The following CDH2 variants were observed in gnomAD, a reference collection of about 807,000 sequenced individuals.
CDH2 encodes cadherin 2.
In CDH2, 17 loss-of-function variants were observed where a neutral mutation model predicts 92.0. The observed-to-expected ratio is 0.18, with a 90% CI of 0.13 to 0.28. The LOEUF is 0.28. Ranked by LOEUF, CDH2 falls within the 10% of genes least tolerant of loss-of-function variation. CDH2 has a pLI of 1.00. For missense variants in CDH2, 862 were observed against 1,133.1 expected, an observed-to-expected ratio of 0.76 and a Z score of 3.44; for synonymous variants, 419 against 415.9, an observed-to-expected ratio of 1.01 and a Z score of -0.09.
intron 2 of CDH2, among the ~76,000 whole-genome samples, chr18:28,103,356 A>G (rs1233614741): frequency 6.8e-6 from 1 of 146,580 alleles, no homozygotes; most frequent in Non-Finnish European, 1.5e-5. Flanking sequence ...AAGTATATAT[A>G]TAAAATACAT....
At chr18:28,069,618 T>C (rs527927039) in intron 2 of CDH2, among the ~76,000 whole-genome samples, 1 of 152,266 alleles carries the variant, frequency 6.6e-6, no homozygotes, top group East Asian at 1.9e-4. Context: ...TACTATCTCA[T>C]CTATATATTA....
chr18:27,992,611 G>A (rs1380609381), intron 9 of CDH2, 44 bp downstream of exon 9: 1 of 1,524,620 alleles, frequency 6.6e-7, no homozygotes, highest in Admixed American at 1.8e-5. Context: ...ATTGGTCCTT[G>A]CTGAGCAGCT....
intron 2 of CDH2, among the ~76,000 whole-genome samples, chr18:28,121,418 T>C (rs1263034896): frequency 1.3e-5 from 2 of 152,080 alleles, no homozygotes; most frequent in African/African-American, 4.8e-5. Flanking sequence ...TTCTTGGAAT[T>C]TTCTTTGTCT....
intron 10 of CDH2, 36 bp downstream of exon 10, chr18:27,990,061 G>C (rs767273176): frequency 3.8e-6 from 6 of 1,595,264 alleles, no homozygotes; most frequent in South Asian, 1.1e-5. Flanking sequence ...TAGAACATAA[G>C]TAAGCTACAA....
rs1385492928 is a variant in CDH2 at position 28,176,386 on chromosome 18, G to A, written c.60+577C>T. Among the ~76,000 whole-genome samples, 3 of 152,052 alleles carry A rather than the reference G, an allele frequency of 2.0e-5. No individual in the cohort carries two copies. The South Asian group carries it at 6.2e-4, about 31-fold the overall frequency. On this transcript the variant is annotated intron_variant, in intron 1 of 15. Transcript: ENST00000269141. ...AGGTGGGACGAACACAGAATATTGTGAGGGCAAGAGAAGAAGAAAAGGAGG... is the reference window on the plus strand; with the variant it reads ...AGGTGGGACGAACACAGAATATTGTAAGGGCAAGAGAAGAAGAAAAGGAGG...
At chr18:27,969,670 T>G (rs1043771902) in intron 14 of CDH2, among the ~76,000 whole-genome samples, 2 of 152,226 alleles carry the variant, frequency 1.3e-5, no homozygotes, top group Admixed American at 6.5e-5. Context: ...GCCTTTACTC[T>G]AATGTCTTTT....
intron 2 of CDH2, among the ~76,000 whole-genome samples, chr18:28,101,180 A>G (rs924035019): frequency 1.3e-5 from 2 of 152,178 alleles, no homozygotes; most frequent in Non-Finnish European, 2.9e-5. Context: ...AATGGCTTAA[A>G]TAACTTTCTA....
intron 2 of CDH2, among the ~76,000 whole-genome samples, chr18:28,094,502 A>G (rs1202815288): frequency 6.6e-6 from 1 of 150,572 alleles, no homozygotes; most frequent in Non-Finnish European, 1.5e-5. Flanking sequence ...AAAACAAAAC[A>G]AAACAAAAAA....
chr18:28,123,739 G>A (rs114440297), intron 2 of CDH2, among the ~76,000 whole-genome samples: 1,900 of 152,164 alleles, frequency 0.012, 39 homozygotes, highest in African/African-American at 0.043. Context: ...CTAAATAAAG[G>A]GTTCTGAATT....
chr18:27,955,757 TTC>T (rs1272483216), intron 15 of CDH2, among the ~76,000 whole-genome samples: 7 of 89,246 alleles, frequency 7.8e-5, no homozygotes, highest in Non-Finnish European at 1.5e-4. Flanking sequence ...TTTTCTTTAT[TTC>T]TGTTTTTTTT....
intron 14 of CDH2, among the ~76,000 whole-genome samples, chr18:27,967,110 AG>A (rs779405530): frequency 3.3e-5 from 5 of 152,182 alleles, no homozygotes; most frequent in Non-Finnish European, 7.4e-5. Context: ...GTCCACAAAG[AG>A]GCAAAAAATC....
intron 7 of CDH2, among the ~76,000 whole-genome samples, chr18:28,002,246 A>T (rs771886158): frequency 6.6e-6 from 1 of 152,212 alleles, no homozygotes; most frequent in African/African-American, 2.4e-5. Context: ...CAAGGGGATC[A>T]CATGTACAAA....
chr18:28,118,590 A>T (rs1014845106), intron 2 of CDH2, among the ~76,000 whole-genome samples: 13 of 148,454 alleles, frequency 8.8e-5, no homozygotes, highest in Non-Finnish European at 2.0e-4. Flanking sequence ...AATTTAGTTC[A>T]GTGTGTGTGT....
chr18:28,038,366 T>C (rs1222700149), intron 2 of CDH2, among the ~76,000 whole-genome samples: 1 of 151,744 alleles, frequency 6.6e-6, no homozygotes, highest in Non-Finnish European at 1.5e-5. Flanking sequence ...GAGGCTACAG[T>C]GAGCTGTGAT....
chr18:28,060,756 T>A (rs2014387592), intron 2 of CDH2, among the ~76,000 whole-genome samples: 1 of 152,180 alleles, frequency 6.6e-6, no homozygotes, highest in African/African-American at 2.4e-5. Flanking sequence ...GGTCATCTCA[T>A]ATACTTCCTG....
chr18:27,944,596 C>T (rs889187562), intron 6 of CDH2, among the ~76,000 whole-genome samples: 2 of 151,944 alleles, frequency 1.3e-5, no homozygotes, highest in African/African-American at 2.4e-5. Flanking sequence ...TCTTCTCCTC[C>T]TTCTGCCTCC....
chr18:28,068,151 G>A (rs1415872367), intron 2 of CDH2, among the ~76,000 whole-genome samples: 1 of 152,090 alleles, frequency 6.6e-6, no homozygotes, highest in African/African-American at 2.4e-5. Context: ...GGATCCCACC[G>A]CTGAGTCCAT....
intron 7 of CDH2, among the ~76,000 whole-genome samples, chr18:28,001,729 G>A (rs2144005975): frequency 6.6e-6 from 1 of 152,312 alleles, no homozygotes; most frequent in Admixed American, 6.5e-5. Context: ...TAACTCCTAA[G>A]TAAGGCTCTC....
At chr18:28,163,743 A>G (rs1457553684) in intron 1 of CDH2, among the ~76,000 whole-genome samples, 2 of 152,250 alleles carry the variant, frequency 1.3e-5, no homozygotes, top group Admixed American at 1.3e-4. Context: ...GAGTAGAAAA[A>G]GCAAATCACA....
Sources: gnomAD v4.1 joint callset for allele counts (sites outside exome capture counted in the v4.1 genomes callset) on GRCh38, gnomAD v4.1.1 for gene constraint, MANE v1.5 for transcripts, NCBI Gene and HGNC (gene_info 2026-07-23, HGNC 2026-07-21) for gene names.